The following EGF variants were observed in gnomAD, a reference collection of about 807,000 sequenced individuals.
EGF encodes pro-epidermal growth factor.
A neutral mutation model predicts 143.8 loss-of-function variants in EGF; 95 were observed. That is an observed-to-expected ratio of 0.66 (90% CI 0.56 to 0.78). The LOEUF is 0.78. Ranked by LOEUF, EGF falls within the 30% of genes least tolerant of loss-of-function variation. EGF has a pLI of 0.00. For missense variants in EGF, 1,320 were observed against 1,470.9 expected (o/e 0.90, Z 1.68); for synonymous variants, 510 against 510.5 (o/e 1.00, Z 0.01).
intron 5 of EGF, among the ~76,000 whole-genome samples, chr4:109,952,109 T>C (rs1744036797): frequency 6.6e-6 from 1 of 152,224 alleles, no homozygotes; most frequent in Non-Finnish European, 1.5e-5. Context: ...CCCTGATACC[T>C]ACACTATTAT....
At chr4:109,954,272 C>T (rs1040926039) in intron 5 of EGF, among the ~76,000 whole-genome samples, 4 of 151,992 alleles carry the variant, frequency 2.6e-5, no homozygotes, top group African/African-American at 9.7e-5. Flanking sequence ...GGCTAGTCTC[C>T]AACTCCTGGC....
At chr4:109,948,553 G>A (rs1427251503) in intron 5 of EGF, among the ~76,000 whole-genome samples, 3 of 151,874 alleles carry the variant, frequency 2.0e-5, no homozygotes, top group Non-Finnish European at 2.9e-5. Flanking sequence ...GTGCGATCTC[G>A]GCTCACTGCA....
intron 20 of EGF, among the ~76,000 whole-genome samples, chr4:109,997,073 T>G (rs1751898623): frequency 6.6e-6 from 1 of 151,568 alleles, no homozygotes; most frequent in African/African-American, 2.4e-5. Flanking sequence ...GGGAGCAGAG[T>G]TTTTAAGGAC....
At chr4:109,991,021 T>C (rs1578363506) in intron 18 of EGF, among the ~76,000 whole-genome samples, 1 of 152,150 alleles carries the variant, frequency 6.6e-6, no homozygotes, top group South Asian at 2.1e-4. Flanking sequence ...ATGGGTTGGG[T>C]TACCTCTGCG....
chr4:109,965,069 C>T (rs1746330622), intron 10 of EGF, among the ~76,000 whole-genome samples: 1 of 152,012 alleles, frequency 6.6e-6, no homozygotes, highest in Non-Finnish European at 1.5e-5. Context: ...TTTACATAAA[C>T]ATTTTATATA....
chr4:109,963,298 G>A lies in EGF; in HGVS notation c.1438G>A (p.Gly480Arg), dbSNP rs1746009915. The change falls in exon 9 of 24, where the codon GGA becomes AGA. Residue 480 changes from glycine (G) to arginine (R), a missense_variant and splice_region_variant. By Grantham distance (125) the Gly-to-Arg change is moderately radical (BLOSUM62 -2). Coordinates refer to ENST00000265171, the MANE Select transcript of EGF (RefSeq NM_001963.6). ...GGATGAAAAAAGCTGTGCAGCTTCA[G>A]GTTAGTGCTGTGGTTGTCTGGAACT... ...QLDEKSCAAS[G>R]PQPFLLFANS... 6.2e-7 allele frequency: 1 copy of A among 1,613,746 alleles called. No homozygotes were observed. Among genetic ancestry groups the A allele is most frequent in the East Asian group, 2.2e-5 (1 of 44,878 alleles).
chr4:109,944,468 T>C (rs1289636937), intron 4 of EGF, among the ~76,000 whole-genome samples: 2 of 152,202 alleles, frequency 1.3e-5, no homozygotes, highest in Non-Finnish European at 2.9e-5. Flanking sequence ...AAGCTCCAGA[T>C]TTACCGTCTG....
Position 109,988,589 on chromosome 4 carries a change from G to A in EGF, c.2614G>A (p.Asp872Asn), listed in dbSNP as rs142838234. 40 of 1,614,004 alleles carry A rather than the reference G, an allele frequency of 2.5e-5. No individual in the cohort carries two copies. The African/African-American group carries it at 3.6e-4, about 15-fold the overall frequency. Residue 872 changes from aspartate (D) to asparagine (N), a missense_variant, in exon 18 of 24, where the codon GAT becomes AAT. Physicochemically the swap from Asp to Asn is conservative, Grantham distance 23. Coordinates refer to ENST00000265171, the MANE Select transcript of EGF (RefSeq NM_001963.6). ...GTTCATAATTTTGCCCACAGATATA[G>A]ATGAATGTGAGATGGGTGTCCCAGT... ...AGDGKLCSDI[D>N]ECEMGVPVCP...
At chr4:109,951,604 G>A (rs566471857) in intron 5 of EGF, among the ~76,000 whole-genome samples, 1 of 152,098 alleles carries the variant, frequency 6.6e-6, no homozygotes, top group East Asian at 1.9e-4. Flanking sequence ...ATAATTTAAG[G>A]GCTTTCCTTA....
At chr4:109,954,546 CAA>C (rs1744483299) in intron 5 of EGF, among the ~76,000 whole-genome samples, 1 of 151,966 alleles carries the variant, frequency 6.6e-6, no homozygotes, top group Non-Finnish European at 1.5e-5. Context: ...CTATTACTGA[CAA>C]GAGTAAACTT....
intron 7 of EGF, 72 bp downstream of exon 7, chr4:109,961,061 T>G (rs1745611943): frequency 7.7e-6 from 12 of 1,564,036 alleles, no homozygotes; most frequent in Non-Finnish European, 9.7e-6. Context: ...GTGGCTATGA[T>G]CTGGGTTGGT....
intron 9 of EGF, 75 bp from the exon 10 acceptor site, chr4:109,964,326 A>G: frequency 1.3e-6 from 2 of 1,597,162 alleles, no homozygotes; most frequent in Non-Finnish European, 1.7e-6. Flanking sequence ...GTACAGTGAA[A>G]GGGAAGAGTC....
rs1578423066 is a variant in EGF, at chr4:110,011,418, C to T, written c.3587C>T (p.Ala1196Val). 2 of 1,614,164 alleles carry T rather than the reference C, an allele frequency of 1.2e-6. No individual in the cohort carries two copies. Among genetic ancestry groups the T allele is most frequent in the East Asian group, 4.5e-5 (2 of 44,884 alleles). ...GCTAACCCATTATGGCAACAAAGGG[C>T]CCTGGACCCACCACACCAAATGGAG... ...LSANPLWQQR[A>V]LDPPHQMELT... The change falls in exon 24 of 24, where the codon GCC (alanine) becomes GTC (valine). Residue 1196 changes from alanine (A) to valine (V), a missense_variant. Around this residue, in one of 5 missense-constraint regions of EGF, gnomAD observed 1,186 missense variants for 1,313.7 expected, o/e 0.90. Transcript: ENST00000265171.
chr4:109,944,981 A>G, intron 4 of EGF, 92 bp from the exon 5 acceptor site: 3 of 1,389,796 alleles, frequency 2.2e-6, no homozygotes. Context: ...AGGTGGTTAA[A>G]ACTTAGACAA....
At chr4:109,959,150 T>G in intron 5 of EGF, 162 bp from the exon 6 acceptor site, 1 of 1,104,518 alleles carries the variant, frequency 9.1e-7, no homozygotes, top group Non-Finnish European at 1.3e-6. Flanking sequence ...AAAGTGGGCT[T>G]CGGGATGCTG....
rs148355596 is a variant in EGF, at chr4:109,964,543, G to T, written c.1575+6G>T. ...ATGACCCTGTGGAAAATAAGGTATG[G>T]TTTTGTTACTTGAACAGATGTGGAC... is the stretch of plus-strand genomic sequence containing the variant. On this transcript the variant is annotated splice_donor_region_variant and intron_variant, in intron 10 of 23. Coordinates refer to ENST00000265171, the MANE Select transcript of EGF (RefSeq NM_001963.6). The T allele has an allele frequency of 2.8e-4, 445 of 1,613,736 alleles. No individual in the cohort carries two copies. Among genetic ancestry groups the T allele is most frequent in the Middle Eastern group, 6.6e-4 (4 of 6,060 alleles).
chr4:109,950,593 G>C (rs571752039), intron 5 of EGF, among the ~76,000 whole-genome samples: 4 of 152,200 alleles, frequency 2.6e-5, no homozygotes, highest in East Asian at 1.9e-4. Context: ...GCTCACCAAG[G>C]CTTCTGCTCA....
chr4:109,967,195 A>C (rs912525696), intron 10 of EGF, among the ~76,000 whole-genome samples: 1 of 152,156 alleles, frequency 6.6e-6, no homozygotes, highest in Admixed American at 6.5e-5. Context: ...TAAGTGTTTG[A>C]TCCATCTTGA....
chr4:109,927,802 T>C (rs1171161654), intron 1 of EGF, among the ~76,000 whole-genome samples: 2 of 117,520 alleles, frequency 1.7e-5, no homozygotes, highest in East Asian at 4.8e-4. Flanking sequence ...TTTCTGAATT[T>C]TGCCGTGTGT....
Sources: allele counts gnomAD v4.1 joint callset (sites outside exome capture counted in the v4.1 genomes callset), GRCh38; gene constraint gnomAD v4.1.1; regional missense constraint gnomAD v4.1.1; transcripts MANE v1.5; gene names NCBI Gene and HGNC (gene_info 2026-07-23, HGNC 2026-07-21).